Variants in GRM8 observed in about 807,000 individuals in gnomAD.
The protein encoded by GRM8 is glutamate metabotropic receptor 8.
Under a neutral mutation model 87.2 loss-of-function variants are expected in GRM8, and 47 were observed. The observed-to-expected ratio is 0.54, with a 90% confidence interval of 0.43 to 0.69. The LOEUF (loss-of-function observed/expected upper bound fraction) is 0.69, where lower values mean the gene tolerates loss of function less well. Ranked by LOEUF, GRM8 falls within the 30% of genes least tolerant of loss-of-function variation. GRM8 has a pLI of 0.00. For synonymous variants in GRM8, 396 were observed against 404.5 expected (o/e 0.98, Z 0.25); for missense variants, 1,019 against 1,139.2 (o/e 0.89, Z 1.52).
At chr7:127,033,501 C>T (rs1354432039) in intron 3 of GRM8, among the ~76,000 whole-genome samples, 1 of 151,984 alleles carries the variant, frequency 6.6e-6, no homozygotes, top group Non-Finnish European at 1.5e-5. Context: ...TTTACCTGTA[C>T]CACTTCATTT....
At chr7:127,070,952 A>AT (rs1821623493) in intron 3 of GRM8, among the ~76,000 whole-genome samples, 1 of 152,176 alleles carries the variant, frequency 6.6e-6, no homozygotes, top group Non-Finnish European at 1.5e-5. Flanking sequence ...GAAACAGGCC[A>AT]TTTCATCTTC....
At chr7:126,444,080 G>GA (rs1276289288) in intron 10 of GRM8, among the ~76,000 whole-genome samples, 122 of 143,356 alleles carry the variant, frequency 8.5e-4, no homozygotes, top group Middle Eastern at 7.1e-3. Context: ...TGCTAAAAAA[G>GA]AAAAAAAAAA....
intron 7 of GRM8, among the ~76,000 whole-genome samples, chr7:126,665,832 C>T (rs1298860873): frequency 6.6e-6 from 1 of 151,838 alleles, no homozygotes; most frequent in Non-Finnish European, 1.5e-5. Flanking sequence ...TCATCTTTAA[C>T]ATATATCAAC....
intron 2 of GRM8, among the ~76,000 whole-genome samples, chr7:127,153,425 C>T (rs1430388340): frequency 6.6e-6 from 1 of 152,122 alleles, no homozygotes; most frequent in Non-Finnish European, 1.5e-5. Context: ...AGGAGGGACA[C>T]ATGATGAATT....
At chr7:127,080,636 C>T (rs1822756646) in intron 3 of GRM8, 1 of 138,140 alleles carries the variant, frequency 7.2e-6, no homozygotes, top group Admixed American at 6.9e-5. Context: ...TCTCTGGAGG[C>T]TTTTTGGCTC....
At chr7:126,902,779 A>G (rs1802230874) in intron 5 of GRM8, 100 bp from the exon 6 acceptor site, 2 of 772,612 alleles carry the variant, frequency 2.6e-6, no homozygotes, top group Non-Finnish European at 3.9e-6. Context: ...GCATGAAAAG[A>G]AAAAAACAAA....
chr7:126,779,068 T>C (rs1819782414), intron 6 of GRM8, among the ~76,000 whole-genome samples: 1 of 152,070 alleles, frequency 6.6e-6, no homozygotes, highest in African/African-American at 2.4e-5. Flanking sequence ...AGAATTCCCC[T>C]ATATTATAGA....
intron 6 of GRM8, among the ~76,000 whole-genome samples, chr7:126,819,373 C>A (rs1794091853): frequency 6.6e-6 from 1 of 151,842 alleles, no homozygotes; most frequent in South Asian, 2.1e-4. Flanking sequence ...ACCTTTGAAA[C>A]CACATTGGAC....
rs1346892565 is a variant in GRM8, at chr7:126,647,346, T to C, written c.1358-37848A>G. ...AGATAGATAGATAGATAGATAGATA[T>C]AGATATAGATAGATATAAATAGATA... On this transcript the variant is annotated intron_variant, in intron 7 of 10. Transcript: ENST00000339582. 2.0e-5 allele frequency among the ~76,000 whole-genome samples: 3 copies of C among 149,738 alleles called. No homozygotes were observed. The East Asian group carries it at 5.9e-4, about 29-fold the overall frequency.
chr7:126,806,852 G>A (rs1410582015), intron 6 of GRM8, among the ~76,000 whole-genome samples: 8 of 152,262 alleles, frequency 5.3e-5, no homozygotes, highest in East Asian at 1.9e-4. Context: ...GTGGCCACCC[G>A]TAAGCCCCAG....
intron 6 of GRM8, among the ~76,000 whole-genome samples, chr7:126,852,484 TTC>T (rs1217589495): frequency 2.6e-5 from 4 of 152,322 alleles, no homozygotes; most frequent in Non-Finnish European, 5.9e-5. Flanking sequence ...ATCATTACCC[TTC>T]TCTTTTATCC....
intron 7 of GRM8, among the ~76,000 whole-genome samples, chr7:126,632,005 T>C (rs867622537): frequency 2.0e-5 from 3 of 152,114 alleles, no homozygotes; most frequent in African/African-American, 7.2e-5. Flanking sequence ...CAAAAGCAAT[T>C]GCAACAAAAG....
intron 6 of GRM8, among the ~76,000 whole-genome samples, chr7:126,797,025 G>A (rs147877480): frequency 6.6e-6 from 1 of 152,220 alleles, no homozygotes; most frequent in East Asian, 1.9e-4. Flanking sequence ...GAATGGGAGA[G>A]TCTAATTGGA....
chr7:127,037,389 T>C (rs1817939958), intron 3 of GRM8, among the ~76,000 whole-genome samples: 1 of 152,170 alleles, frequency 6.6e-6, no homozygotes, highest in South Asian at 2.1e-4. Context: ...TCCAAGCTAC[T>C]GTCACCAAGG....
At chr7:126,482,321 A>C (rs1806783783) in intron 9 of GRM8, among the ~76,000 whole-genome samples, 1 of 152,058 alleles carries the variant, frequency 6.6e-6, no homozygotes, top group South Asian at 2.1e-4. Flanking sequence ...AAAGTATTGA[A>C]AGCAGGGTCT....
At chr7:126,787,841 G>C (rs1820786676) in intron 6 of GRM8, among the ~76,000 whole-genome samples, 1 of 151,762 alleles carries the variant, frequency 6.6e-6, no homozygotes, top group Admixed American at 6.6e-5. Flanking sequence ...TCATTAACTA[G>C]GGTAAATTCT....
intron 3 of GRM8, among the ~76,000 whole-genome samples, chr7:126,954,687 GATA>G (rs1338680500): frequency 6.6e-6 from 1 of 152,098 alleles, no homozygotes; most frequent in Non-Finnish European, 1.5e-5. Flanking sequence ...TGTCAACTGA[GATA>G]ATAATAACAA....
intron 2 of GRM8, among the ~76,000 whole-genome samples, chr7:127,138,620 G>A (rs1482327648): frequency 6.6e-6 from 1 of 152,012 alleles, no homozygotes; most frequent in South Asian, 2.1e-4. Context: ...TAGTATTTGG[G>A]TTAATAAAGC....
intron 6 of GRM8, among the ~76,000 whole-genome samples, chr7:126,806,344 G>A (rs1293007679): frequency 6.6e-6 from 1 of 152,234 alleles, no homozygotes; most frequent in African/African-American, 2.4e-5. Flanking sequence ...TTTGCCATGA[G>A]TGTTACAGCT....
Sources: gnomAD v4.1 joint callset for allele counts (sites outside exome capture counted in the v4.1 genomes callset) on GRCh38, gnomAD v4.1.1 for gene constraint, MANE v1.5 for transcripts, NCBI Gene and HGNC (gene_info 2026-07-23, HGNC 2026-07-21) for gene names.